Variants in MTUS2 observed in about 807,000 individuals in gnomAD.
The protein encoded by MTUS2 is microtubule associated scaffold protein 2.
MTUS2 carries 40 observed loss-of-function variants against 114.1 expected under a neutral mutation model. The ratio of observed to expected loss-of-function variants is 0.35; its 90% CI spans 0.27 to 0.46. The LOEUF (loss-of-function observed/expected upper bound fraction) is 0.46. MTUS2 is among the 20% of genes least tolerant of loss of function. MTUS2 has a pLI of 1.00. For synonymous variants in MTUS2, 688 were observed against 672.0 expected (o/e 1.02, Z -0.37); for missense variants, 1,679 against 1,705.4 (o/e 0.98, Z 0.27).
At chr13:28,904,550 G>T (rs1879861750) in intron 2 of MTUS2, among the ~76,000 whole-genome samples, 1 of 152,182 alleles carries the variant, frequency 6.6e-6, no homozygotes, top group African/African-American at 2.4e-5. Flanking sequence ...GTTTGTCAAA[G>T]ATCAGATGGT....
In MTUS2 at chr13:29,024,572, G is replaced by T. The variant is rs1265292259; in HGVS notation, c.-127G>T. ...TTCTGAGAATGATTAAAGCAGTGTC[G>T]CAAGGTGACATTGTCAGGGGAGAAC... is the stretch of plus-strand genomic sequence containing the variant. On this transcript the variant is annotated 5_prime_UTR_variant, in exon 3 of 16. Coordinates refer to ENST00000612955, the MANE Select transcript of MTUS2 (RefSeq NM_001033602.4). 1.8e-6 allele frequency: 2 copies of T among 1,140,292 alleles called. No individual in the cohort carries two copies. The highest frequency in any genetic ancestry group is 1.5e-5 in the South Asian group (1 of 65,434). The allele number at this position is 1,140,292 out of a possible 1,614,324, so 70.6% of individuals were successfully genotyped here. A position where few individuals can be genotyped will look rare whatever the true frequency, so the allele number is the denominator to read the frequency against.
At chr13:28,969,646 G>A (rs1214385151) in intron 2 of MTUS2, among the ~76,000 whole-genome samples, 1 of 151,920 alleles carries the variant, frequency 6.6e-6, no homozygotes, top group East Asian at 1.9e-4. Flanking sequence ...GGGATTACAG[G>A]TACGTGCAGC....
At chr13:29,158,358 C>CCCCCCCCTTCTTT in intron 5 of MTUS2, among the ~76,000 whole-genome samples, 3 of 32,048 alleles carry the variant, frequency 9.4e-5, no homozygotes, top group African/African-American at 6.2e-4. Context: ...GTCCACCCCG[C>CCCCCCCCTTCTTT]TTTTTTTTTT....
intron 8 of MTUS2, among the ~76,000 whole-genome samples, chr13:29,376,529 A>G (rs1871759920): frequency 6.6e-6 from 1 of 152,236 alleles, no homozygotes; most frequent in African/African-American, 2.4e-5. Context: ...ATAGAAAATA[A>G]TAAAATGGTA....
chr13:28,959,618 T>C (rs754838130), intron 2 of MTUS2, among the ~76,000 whole-genome samples: 17 of 151,536 alleles, frequency 1.1e-4, no homozygotes, highest in Admixed American at 2.6e-4. Flanking sequence ...AGCTGGTGAG[T>C]CACATGGTGA....
intron 5 of MTUS2, among the ~76,000 whole-genome samples, chr13:29,266,649 G>A (rs1203596522): frequency 6.6e-6 from 1 of 151,936 alleles, no homozygotes; most frequent in Admixed American, 6.6e-5. Context: ...AACTATACAT[G>A]GCCCACCTCG....
At chr13:29,426,568 A>G (rs1248066832) in intron 8 of MTUS2, among the ~76,000 whole-genome samples, 1 of 152,068 alleles carries the variant, frequency 6.6e-6, no homozygotes, top group Non-Finnish European at 1.5e-5. Flanking sequence ...CCACCATTCC[A>G]CTTTCTGTCT....
At chr13:28,889,531 G>A (rs1878791585) in intron 2 of MTUS2, among the ~76,000 whole-genome samples, 1 of 152,198 alleles carries the variant, frequency 6.6e-6, no homozygotes, top group Admixed American at 6.5e-5. Context: ...GAGCATGGGT[G>A]TGTCTCTTTT....
intron 5 of MTUS2, among the ~76,000 whole-genome samples, chr13:29,248,882 G>A (rs893735640): frequency 6.6e-6 from 1 of 152,184 alleles, no homozygotes; most frequent in African/African-American, 2.4e-5. Flanking sequence ...TAGAATTGAT[G>A]GACATTTGGG....
intron 5 of MTUS2, among the ~76,000 whole-genome samples, chr13:29,268,741 A>G (rs947943004): frequency 5.3e-5 from 8 of 151,842 alleles, no homozygotes; most frequent in African/African-American, 1.9e-4. Flanking sequence ...TCTTTCTTGG[A>G]GGCAGGGTCT....
intron 2 of MTUS2, among the ~76,000 whole-genome samples, chr13:29,008,202 C>T (rs1374651453): frequency 1.3e-5 from 2 of 152,238 alleles, no homozygotes; most frequent in East Asian, 3.9e-4. Context: ...TCAACAGAGC[C>T]CCATCTCCTG....
At chr13:29,058,253 C>T (rs1433898053) in intron 4 of MTUS2, among the ~76,000 whole-genome samples, 1 of 143,658 alleles carries the variant, frequency 7.0e-6, no homozygotes, top group Non-Finnish European at 1.5e-5. Context: ...GACTATGTGT[C>T]TTAGGGATGG....
intron 5 of MTUS2, chr13:29,239,311 A>G (rs1333292447): frequency 1.3e-5 from 2 of 152,174 alleles, no homozygotes; most frequent in East Asian, 3.9e-4. Flanking sequence ...ATTTTGTTCT[A>G]TTTTATTTAG....
At chr13:29,165,762 GA>G (rs1243890783) in intron 5 of MTUS2, among the ~76,000 whole-genome samples, 1 of 152,200 alleles carries the variant, frequency 6.6e-6, no homozygotes, top group Non-Finnish European at 1.5e-5. Flanking sequence ...GAGTGGAAGG[GA>G]AATGTTAGGG....
At chr13:29,234,459 T>C (rs1490096682) in intron 5 of MTUS2, among the ~76,000 whole-genome samples, 2 of 152,318 alleles carry the variant, frequency 1.3e-5, no homozygotes, top group East Asian at 3.9e-4. Flanking sequence ...TGCACCAAAC[T>C]CTTTAATGAC....
Position 29,034,043 on chromosome 13 carries a change from A to G in MTUS2, c.2364A>G (p.Ala788=). Residue 788 remains alanine (A), a synonymous_variant, in exon 4 of 16, where the codon GCA becomes GCG. Transcript: ENST00000612955. The part of the protein sequence containing the change: ...LPSAKSRILI[A]SQRSSASAIH... ...CTGCAAAGAGCAGGATTCTGATTGC[A>G]AGTCAGAGGTCTTCAGCGAGCGCCA... is the stretch of plus-strand genomic sequence containing the variant. 6.2e-7 allele frequency: 1 copy of G among 1,613,970 alleles called. No homozygotes were observed. The highest frequency in any genetic ancestry group is 8.5e-7 in the Non-Finnish European group (1 of 1,179,892).
At chr13:29,165,708 C>T (rs1893288647) in intron 5 of MTUS2, among the ~76,000 whole-genome samples, 1 of 152,318 alleles carries the variant, frequency 6.6e-6, no homozygotes, top group African/African-American at 2.4e-5. Flanking sequence ...GCTATCATTA[C>T]AGTTTCTGCT....
intron 5 of MTUS2, among the ~76,000 whole-genome samples, chr13:29,115,639 T>C (rs569166812): frequency 4.3e-4 from 65 of 152,330 alleles, no homozygotes; most frequent in Non-Finnish European, 8.2e-4. Flanking sequence ...ATCTAATAAG[T>C]CATTCATAAT....
At chr13:29,158,937 A>G (rs716635) in intron 5 of MTUS2, among the ~76,000 whole-genome samples, 26,302 of 152,164 alleles carry the variant, frequency 0.17, 4,711 homozygotes, top group African/African-American at 0.46. Context: ...AGAGCCCAGG[A>G]ACGGGAGGGC....
Sources: allele counts gnomAD v4.1 joint callset (sites outside exome capture counted in the v4.1 genomes callset), GRCh38; gene constraint gnomAD v4.1.1; transcripts MANE v1.5; gene names NCBI Gene and HGNC (gene_info 2026-07-23, HGNC 2026-07-21).